BACH2: variants seen among roughly 807,000 people sequenced by gnomAD.
The protein encoded by BACH2 is transcription regulator protein BACH2.
In BACH2, 5 loss-of-function variants were observed where a neutral mutation model predicts 61.8. That is an observed-to-expected ratio of 0.08 (90% CI 0.04 to 0.17). The LOEUF (loss-of-function observed/expected upper bound fraction) is 0.17. BACH2 is among the 10% of genes least tolerant of loss of function. The probability of loss-of-function intolerance (pLI) is 1.00; values close to 1 mark genes in which losing one functional copy is unlikely to be tolerated. For synonymous variants in BACH2, 446 were observed against 440.1 expected, an observed-to-expected ratio of 1.01 and a Z score of -0.17; for missense variants, 824 against 1,091.1, an observed-to-expected ratio of 0.76 and a Z score of 3.45.
chr6:90,115,053 G>A lies in BACH2; in HGVS notation c.-161-25944C>T, dbSNP rs184612304. 2.3e-3 allele frequency among the ~76,000 whole-genome samples: 351 copies of A among 152,122 alleles called. 1 individual carries two copies. The highest frequency in any genetic ancestry group is 8.1e-3 in the African/African-American group (334 of 41,490). ...AAACAAATGGAAAAACATCCCATGC[G>A]CGTGGATAGGAATAATCAATATCAT... On this transcript the variant is annotated intron_variant, in intron 4 of 8. Transcript: ENST00000257749.
chr6:90,065,470 G>C (rs1780913669), intron 5 of BACH2, among the ~76,000 whole-genome samples: 2 of 151,828 alleles, frequency 1.3e-5, no homozygotes, highest in Admixed American at 6.6e-5. Flanking sequence ...TAGGCCTGTG[G>C]GCCATATGAT....
At chr6:90,204,218 G>A (rs959913124) in intron 4 of BACH2, among the ~76,000 whole-genome samples, 18 of 152,152 alleles carry the variant, frequency 1.2e-4, no homozygotes, top group African/African-American at 4.1e-4. Flanking sequence ...ATTACAGTGT[G>A]TGTCTGAGGA....
At chr6:89,966,010 A>G (rs1453574681) in intron 6 of BACH2, among the ~76,000 whole-genome samples, 2 of 152,200 alleles carry the variant, frequency 1.3e-5, no homozygotes, top group Non-Finnish European at 1.5e-5. Context: ...TTTGAGAGAA[A>G]AGTACTAAAA....
At chr6:90,154,788 T>C (rs1451161131) in intron 4 of BACH2, among the ~76,000 whole-genome samples, 2 of 152,212 alleles carry the variant, frequency 1.3e-5, no homozygotes, top group Non-Finnish European at 2.9e-5. Flanking sequence ...TAGTCAGTAC[T>C]GGACAGGAAG....
At chr6:90,269,708 C>T (rs1771459062) in intron 2 of BACH2, among the ~76,000 whole-genome samples, 1 of 152,152 alleles carries the variant, frequency 6.6e-6, no homozygotes, top group African/African-American at 2.4e-5. Flanking sequence ...AAACAAATAG[C>T]AGCCCCAAGT....
chr6:90,277,490 G>C (rs1035489173), intron 1 of BACH2, among the ~76,000 whole-genome samples: 1 of 152,188 alleles, frequency 6.6e-6, no homozygotes, highest in Non-Finnish European at 1.5e-5. Flanking sequence ...GGGTGAAGTA[G>C]TTACTGGAAG....
chr6:90,123,769 C>CAAAAAAA (rs796903431), intron 4 of BACH2, among the ~76,000 whole-genome samples: 7 of 33,984 alleles, frequency 2.1e-4, no homozygotes, highest in African/African-American at 5.3e-4. Context: ...GACTCCGTCT[C>CAAAAAAA]AAAAAAAAAA....
At chr6:90,099,400 A>G (rs567492309) in intron 4 of BACH2, among the ~76,000 whole-genome samples, 172 of 152,220 alleles carry the variant, frequency 1.1e-3, no homozygotes, top group African/African-American at 3.9e-3. Context: ...TTTTTTTTAG[A>G]CAGGGTCTTG....
chr6:90,198,881 T>C (rs937625576), intron 4 of BACH2, among the ~76,000 whole-genome samples: 1 of 152,178 alleles, frequency 6.6e-6, no homozygotes, highest in African/African-American at 2.4e-5. Context: ...AGGAGGTAAT[T>C]GTTAACTGAA....
rs573081161 is a variant in BACH2 at position 89,999,402 on chromosome 6, A to T, written c.243+9200T>A. On this transcript the variant is annotated intron_variant, in intron 6 of 8. Coordinates refer to ENST00000257749, the MANE Select transcript of BACH2 (RefSeq NM_021813.4). ...CTTGCTGCCAGTTCGTGCTGGCGTG[A>T]CCTACAATACCCTTGGCTGACAGCC... Among the ~76,000 whole-genome samples the T allele has an allele frequency of 6.6e-5, 10 of 151,240 alleles. No individual in the cohort carries two copies. The East Asian group carries it at 1.9e-3, about 29-fold the overall frequency.
chr6:89,977,708 C>T (rs1266511688), intron 6 of BACH2, among the ~76,000 whole-genome samples: 2 of 152,032 alleles, frequency 1.3e-5, no homozygotes, highest in Non-Finnish European at 2.9e-5. Flanking sequence ...CATTATATAT[C>T]GAGATTATAT....
intron 5 of BACH2, among the ~76,000 whole-genome samples, chr6:90,051,188 G>T (rs1780029821): frequency 6.6e-6 from 1 of 151,924 alleles, no homozygotes; most frequent in Non-Finnish European, 1.5e-5. Context: ...TTTGTTCTGA[G>T]GTACTTAAAT....
intron 1 of BACH2, among the ~76,000 whole-genome samples, chr6:90,286,553 A>G (rs1772022589): frequency 6.6e-6 from 1 of 152,196 alleles, no homozygotes; most frequent in African/African-American, 2.4e-5. Context: ...CTAAAAAGAA[A>G]ATGATACTAC....
chr6:90,250,031 G>T (rs185438502), intron 3 of BACH2, among the ~76,000 whole-genome samples: 1 of 152,132 alleles, frequency 6.6e-6, no homozygotes, highest in East Asian at 1.9e-4. Flanking sequence ...TCTTTTCAAA[G>T]ACTCAAAAAA....
intron 3 of BACH2, among the ~76,000 whole-genome samples, chr6:90,213,281 G>A (rs953874772): frequency 1.3e-5 from 2 of 152,190 alleles, no homozygotes; most frequent in African/African-American, 2.4e-5. Flanking sequence ...CTCAAGAAAC[G>A]GAGTTGAGAG....
chr6:89,942,957 C>T (rs1773523151), intron 7 of BACH2, among the ~76,000 whole-genome samples: 1 of 152,166 alleles, frequency 6.6e-6, no homozygotes, highest in Non-Finnish European at 1.5e-5. Flanking sequence ...AGGGTTAGTT[C>T]TTCTGGAGAT....
intron 5 of BACH2, among the ~76,000 whole-genome samples, chr6:90,015,368 G>T (rs968609592): frequency 3.4e-4 from 51 of 151,926 alleles, no homozygotes; most frequent in African/African-American, 1.2e-3. Flanking sequence ...GGTGGTAGTT[G>T]AGCCCACTAA....
Position 89,955,176 on chromosome 6 carries a change from T to C in BACH2, c.244-3314A>G, listed in dbSNP as rs146560401. 8.1e-4 allele frequency among the ~76,000 whole-genome samples: 124 copies of C among 152,324 alleles called. 2 individuals are homozygous for C. In the East Asian group the frequency reaches 0.012, roughly 14 times the overall value. On this transcript the variant is annotated intron_variant, in intron 6 of 8. Coordinates refer to ENST00000257749, the MANE Select transcript of BACH2 (RefSeq NM_021813.4). ...GGTGAAGGAGTTTATCCATGGTCAG[T>C]GCTAGTCAGTGGAGAGCTAGGATTC...
chr6:89,996,254 G>T (rs375677578), intron 6 of BACH2, among the ~76,000 whole-genome samples: 2 of 152,148 alleles, frequency 1.3e-5, no homozygotes, highest in East Asian at 3.9e-4. Flanking sequence ...CATTCTCCCA[G>T]TTCTTTACCC....
Sources: gnomAD v4.1 joint callset for allele counts (sites outside exome capture counted in the v4.1 genomes callset) on GRCh38, gnomAD v4.1.1 for gene constraint, MANE v1.5 for transcripts, NCBI Gene and HGNC (gene_info 2026-07-23, HGNC 2026-07-21) for gene names.